The following AIRE variants were observed in gnomAD, a reference collection of about 807,000 sequenced individuals.
AIRE encodes autoimmune polyendocrinopathy candidiasis ectodermal dystrophy protein.
Under a neutral mutation model 62.1 loss-of-function variants are expected in AIRE, and 52 were observed. The observed-to-expected ratio is 0.84, with a 90% CI of 0.67 to 1.06. The LOEUF is 1.06. AIRE is among the 50% of genes least tolerant of loss of function. The pLI is 0.00. For missense variants in AIRE, 774 were observed against 755.8 expected (o/e 1.02, Z -0.28); for synonymous variants, 342 against 321.6 (o/e 1.06, Z -0.68).
rs578064722 is a variant in AIRE, at chr21:44,286,198, G to A, written c.132+60G>A. 10 of 1,506,736 alleles carry A rather than the reference G, an allele frequency of 6.6e-6. No homozygotes were observed. The highest frequency in any genetic ancestry group is 8.9e-6 in the Non-Finnish European group (10 of 1,120,414). The allele number at this position is 1,506,736 out of a possible 1,614,324, so 93.3% of individuals were successfully genotyped here. On this transcript the variant is annotated intron_variant, in intron 1 of 13. Coordinates refer to ENST00000291582, the MANE Select transcript of AIRE (RefSeq NM_000383.4). The surrounding 1 kb of genome is among the most constrained non-coding windows in gnomAD (Gnocchi z 6.0). ...CCCTGTGAGCCAGGGATAGTCCCCG[G>A]GGAAGTTCCAGGAGGACCCCGCCCC...
Position 44,293,013 on chromosome 21 carries a change from G to GGCGGGTC in AIRE, c.1121_1122insTCGCGGG (p.Glu375ArgfsTer51). The GGCGGGTC allele has an allele frequency of 6.2e-7, 1 of 1,612,478 alleles. No individual in the cohort carries two copies. Among genetic ancestry groups the GGCGGGTC allele is most frequent in the South Asian group, 1.1e-5 (1 of 91,076 alleles). ...TCCAGCTCCCCCCGGGGCTTAGGTC[G>GGCGGGTC]GCGGGAGAGGAGGTAAGAGGTCCAC... On this transcript the variant is annotated frameshift_variant, in exon 10 of 14. Transcript: ENST00000291582. LOFTEE classifies it high-confidence loss of function.
intron 4 of AIRE, 47 bp from the exon 5 acceptor site, chr21:44,288,298 G>T: frequency 7.0e-7 from 1 of 1,421,924 alleles, no homozygotes; most frequent in South Asian, 1.1e-5. Flanking sequence ...ATGTGCTTGG[G>T]AACAGTCTTC....
rs1436593756 is a variant in AIRE at position 44,286,968 on chromosome 21, T to G, written c.308-10T>G. On this transcript the variant is annotated splice_polypyrimidine_tract_variant and intron_variant, in intron 2 of 13. Coordinates refer to ENST00000291582, the MANE Select transcript of AIRE (RefSeq NM_000383.4). The surrounding 1 kb of genome is among the most constrained non-coding windows in gnomAD (Gnocchi z 6.0). The stretch of plus-strand genomic sequence containing the variant: ...GAGGTTGGGACCCTGCTCCTGCCCC[T>G]GAGCTGCAGATGTGGACCTCAGCCA... 1 of 1,612,580 alleles carries G rather than the reference T, an allele frequency of 6.2e-7. No homozygotes were observed. The highest frequency in any genetic ancestry group is 8.5e-7 in the Non-Finnish European group (1 of 1,179,950).
Position 44,297,887 on chromosome 21 carries a change from C to T in AIRE, c.*160C>T. 1 of 706,206 alleles carries T rather than the reference C, an allele frequency of 1.4e-6. No individual in the cohort carries two copies. The highest frequency in any genetic ancestry group is 1.6e-5 in the South Asian group (1 of 63,668). 43.7% of individuals were successfully genotyped at this position (706,206 alleles called of 1,614,324 possible). A position where few individuals can be genotyped will look rare whatever the true frequency, so the allele number is the denominator to read the frequency against. On this transcript the variant is annotated 3_prime_UTR_variant, in exon 14 of 14. Coordinates refer to ENST00000291582, the MANE Select transcript of AIRE (RefSeq NM_000383.4). This position sits in a 1 kb window ranked among gnomAD's most constrained non-coding sequence, Gnocchi z 4.8. The stretch of plus-strand genomic sequence containing the variant: ...GCTCTGTGTTTCTGGGGACACCAGC[C>T]ATCATGTGCCTGGAAATTAAACCCT...
At chr21:44,296,596 C>CACTGGGGCT in intron 13 of AIRE, 151 bp downstream of exon 13, 1 of 781,118 alleles carries the variant, frequency 1.3e-6, no homozygotes. Flanking sequence ...CCACCAGGAG[C>CACTGGGGCT]CCCAGTGCTG....
chr21:44,296,553 G>A (rs866966215), intron 13 of AIRE, 108 bp downstream of exon 13: 1 of 1,114,492 alleles, frequency 9.0e-7, no homozygotes, highest in Non-Finnish European at 1.4e-6. Flanking sequence ...CACTGCTCTT[G>A]AGCCGTGGAA....
Position 44,297,624 on chromosome 21 carries a change from C to T in AIRE, c.1567-32C>T. On this transcript the variant is annotated intron_variant, in intron 13 of 13. Transcript: ENST00000291582. The surrounding 1 kb of genome is among the most constrained non-coding windows in gnomAD (Gnocchi z 4.8). ...TTCTGTGGCTGCGGCGGGGGCGCAC[C>T]TGGAGGTTCTCACCGTCACTCTGTC... 1 of 1,581,334 alleles carries T rather than the reference C, an allele frequency of 6.3e-7. No individual in the cohort carries two copies. Among genetic ancestry groups the T allele is most frequent in the Non-Finnish European group, 8.7e-7 (1 of 1,153,656 alleles).
intron 10 of AIRE, 72 bp from the exon 11 acceptor site, chr21:44,293,717 C>T: frequency 6.3e-7 from 1 of 1,589,296 alleles, no homozygotes; most frequent in Non-Finnish European, 8.5e-7. Flanking sequence ...GGAGAGCGCA[C>T]AGGGCTCGGG....
Position 44,289,793 on chromosome 21 carries a change from C to A in AIRE, c.789C>A (p.Gly263=). Residue 263 remains glycine (G), a synonymous_variant, in exon 6 of 14, where the codon GGC becomes GGA. Transcript: ENST00000291582. ...KPLVRAKGAQ[G]AAPGGGEARL... ...TGGTTCGAGCCAAGGGAGCCCAGGGCGCTGCCCCCGTAAGCACCTGACCTT... is the reference window on the plus strand; with the variant it reads ...TGGTTCGAGCCAAGGGAGCCCAGGGAGCTGCCCCCGTAAGCACCTGACCTT... 1 of 1,612,616 alleles carries A rather than the reference C, an allele frequency of 6.2e-7. No individual in the cohort carries two copies. The highest frequency in any genetic ancestry group is 8.5e-7 in the Non-Finnish European group (1 of 1,179,928).
rs1263571777 is a variant in AIRE at position 44,286,555 on chromosome 21, A to C, written c.133-2A>C. 1.9e-6 allele frequency: 3 copies of C among 1,608,564 alleles called. No individual in the cohort carries two copies. The African/African-American group carries it at 4.0e-5, about 21-fold the overall frequency. ...AGGGACCCTCATGCCACCCCACTGCAGGAGACGCTTCATCTGAAGGAAAAG... is the reference window on the plus strand; with the variant it reads ...AGGGACCCTCATGCCACCCCACTGCCGGAGACGCTTCATCTGAAGGAAAAG... On this transcript the variant is annotated splice_acceptor_variant, in intron 1 of 13. Coordinates refer to ENST00000291582, the MANE Select transcript of AIRE (RefSeq NM_000383.4). LOFTEE classifies it high-confidence loss of function. This position sits in a 1 kb window ranked among gnomAD's most constrained non-coding sequence, Gnocchi z 6.0.
In AIRE at chr21:44,297,512, C is replaced by A. The variant is rs2040623183; in HGVS notation, c.1567-144C>A. Reference sequence around the variant, plus strand: ...AGGACAGGGTCCTCCCCAGACTGGCCTGTGCCATGGGGCCTCGGGCCTCAG... The same window carrying A: ...AGGACAGGGTCCTCCCCAGACTGGCATGTGCCATGGGGCCTCGGGCCTCAG... On this transcript the variant is annotated intron_variant, in intron 13 of 13. Transcript: ENST00000291582. The surrounding 1 kb of genome is among the most constrained non-coding windows in gnomAD (Gnocchi z 4.8). 1.3e-6 allele frequency: 1 copy of A among 767,118 alleles called. No individual in the cohort carries two copies. The highest frequency in any genetic ancestry group is 1.7e-5 in the African/African-American group (1 of 58,376). 47.5% of individuals were successfully genotyped at this position (767,118 alleles called of 1,614,324 possible).
chr21:44,290,914 T>C, intron 7 of AIRE, 181 bp from the exon 8 acceptor site: 6 of 1,610,808 alleles, frequency 3.7e-6, no homozygotes, highest in Non-Finnish European at 5.1e-6. Flanking sequence ...GGAGACCAGA[T>C]GGATGGGGAA....
At chr21:44,288,574 G>A in intron 5 of AIRE, 116 bp downstream of exon 5, 3 of 739,358 alleles carry the variant, frequency 4.1e-6, no homozygotes, top group Non-Finnish European at 6.8e-6. Flanking sequence ...TGTTGCTCAG[G>A]TAGCCAGAGT....
chr21:44,286,653 T>C lies in AIRE; in HGVS notation c.229T>C (p.Phe77Leu). The C allele has an allele frequency of 6.2e-7, 1 of 1,613,058 alleles. No individual in the cohort carries two copies. Among genetic ancestry groups the C allele is most frequent in the Non-Finnish European group, 8.5e-7 (1 of 1,179,998 alleles). ...CCAGGACTCCACAGCCATCCTGGAC[T>C]TCTGGAGGGTGCTGTTCAAGGACTA... ...LTQDSTAILD[F>L]WRVLFKDYNL... The change falls in exon 2 of 14, where the codon TTC (phenylalanine) becomes CTC (leucine). Residue 77 changes from phenylalanine to leucine, a missense_variant. Physicochemically the swap from Phe to Leu is conservative, Grantham distance 22. Transcript: ENST00000291582. This position sits in a 1 kb window ranked among gnomAD's most constrained non-coding sequence, Gnocchi z 6.0.
intron 5 of AIRE, 149 bp from the exon 6 acceptor site, chr21:44,289,508 C>CGT: frequency 1.1e-6 from 1 of 933,334 alleles, no homozygotes; most frequent in Non-Finnish European, 1.5e-6. Flanking sequence ...CCCCGGGCCC[C>CGT]AGACTCGACT....
intron 9 of AIRE, 125 bp from the exon 10 acceptor site, chr21:44,292,868 C>T: frequency 1.2e-6 from 1 of 800,080 alleles, no homozygotes; most frequent in South Asian, 1.5e-5. Flanking sequence ...GCCCTCCGCC[C>T]CCACCATGCC....
At chr21:44,294,031 C>A in intron 11 of AIRE, 121 bp downstream of exon 11, 1 of 1,333,216 alleles carries the variant, frequency 7.5e-7, no homozygotes, top group African/African-American at 1.5e-5. Context: ...CACACTCCCA[C>A]CCACACCTTG....
intron 5 of AIRE, 98 bp from the exon 6 acceptor site, chr21:44,289,559 C>T: frequency 6.5e-7 from 1 of 1,536,138 alleles, no homozygotes; most frequent in Non-Finnish European, 8.9e-7. Context: ...TGTGGGAACT[C>T]CACCTGTCTC....
In AIRE at chr21:44,297,670, C is replaced by A; in HGVS notation, c.1581C>A (p.Gly527=). ...CTGTCCCGCAGCACACCTTCGATGGCATCCTGCAGTGGGCCATCCAGAGCA... is the reference window on the plus strand; with the variant it reads ...CTGTCCCGCAGCACACCTTCGATGGAATCCTGCAGTGGGCCATCCAGAGCA... ...ESLLSEHTFD[G]ILQWAIQSMA... The change falls in exon 14 of 14, where the codon GGC becomes GGA. Residue 527 remains glycine (G), a synonymous_variant. Transcript: ENST00000291582. The surrounding 1 kb of genome is among the most constrained non-coding windows in gnomAD (Gnocchi z 4.8). The A allele has an allele frequency of 6.2e-7, 1 of 1,612,262 alleles. No individual in the cohort carries two copies.
Sources: allele counts gnomAD v4.1 joint callset, GRCh38; gene constraint gnomAD v4.1.1; non-coding constraint Gnocchi (gnomAD v3.1); transcripts MANE v1.5; gene names NCBI Gene and HGNC (gene_info 2026-07-23, HGNC 2026-07-21).